The following CLN8 variants were observed in gnomAD, a reference collection of about 807,000 sequenced individuals.
CLN8 encodes the protein protein CLN8.
CLN8 carries 14 observed loss-of-function variants against 15.7 expected under a neutral mutation model. That is an observed-to-expected ratio of 0.89 (90% confidence interval 0.59 to 1.39). CLN8 has a LOEUF of 1.39. Ranked by LOEUF, CLN8 falls within the 40% of genes most tolerant of loss-of-function variation. The pLI is 0.00. For missense variants in CLN8, 415 were observed against 364.0 expected, an observed-to-expected ratio of 1.14 and a Z score of -1.14; for synonymous variants, 188 against 151.0, an observed-to-expected ratio of 1.25 and a Z score of -1.80.
intron 2 of CLN8, among the ~76,000 whole-genome samples, chr8:1,775,708 A>G (rs773291449): frequency 2.0e-5 from 3 of 152,210 alleles, no homozygotes; most frequent in African/African-American, 4.8e-5. Context: ...CTGAGTGCAC[A>G]GTGTACTGTA....
rs1046791380 is a variant in CLN8, at chr8:1,780,688, A to T, written c.*121A>T. 1.1e-6 allele frequency: 1 copy of T among 873,746 alleles called. No homozygotes were observed. The highest frequency in any genetic ancestry group is 1.7e-5 in the African/African-American group (1 of 59,224). The allele number at this position is 873,746 out of a possible 1,614,324, so 54.1% of individuals were successfully genotyped here. A position where few individuals can be genotyped will look rare whatever the true frequency, so the allele number is the denominator to read the frequency against. On this transcript the variant is annotated 3_prime_UTR_variant, in exon 3 of 3. Transcript: ENST00000331222. ...TGTTTTGTGTTTACTTCTAAGGGAA[A>T]TACTAACTTTCTTTCGCATTAGTAT...
In CLN8 at chr8:1,782,424, C is replaced by G. The variant is rs1014815335; in HGVS notation, c.*1857C>G. ...CCTCCCAAAGTTCTGGGATTACGGG[C>G]GTGAGCCACTTCACCCGGCCCGGAG... On this transcript the variant is annotated 3_prime_UTR_variant, in exon 3 of 3. Coordinates refer to ENST00000331222, the MANE Select transcript of CLN8 (RefSeq NM_018941.4). The G allele has an allele frequency of 6.6e-6, 1 of 152,244 alleles. No homozygotes were observed. The highest frequency in any genetic ancestry group is 2.4e-5 in the African/African-American group (1 of 41,458). 9.4% of individuals were successfully genotyped at this position (152,244 alleles called of 1,614,324 possible).
At chr8:1,754,527 T>A (rs941980089), upstream of CLN8, among the ~76,000 whole-genome samples, 3 of 152,258 alleles carry the variant, frequency 2.0e-5, no homozygotes, top group African/African-American at 7.2e-5. Context: ...GACGTTCTTA[T>A]AAGCATTCCC....
chr8:1,777,819 G>T (rs1419458741), intron 2 of CLN8, among the ~76,000 whole-genome samples: 6 of 152,114 alleles, frequency 3.9e-5, no homozygotes, highest in Non-Finnish European at 8.8e-5. Flanking sequence ...ACCTGCCTGG[G>T]GCTGTTTATA....
Position 1,771,293 on chromosome 8 carries a change from C to T in CLN8, c.239C>T (p.Ala80Val). Residue 80 changes from alanine (A) to valine (V), a missense_variant, in exon 2 of 3, where the codon GCA (alanine) becomes GTA (valine). Coordinates refer to ENST00000331222, the MANE Select transcript of CLN8 (RefSeq NM_018941.4). ...RAVFGVQSTA[A>V]GLWALLGDPV... is the part of the protein sequence containing the mutation. ...GTCTTTGGTGTTCAGAGCACAGCCG[C>T]AGGCCTGTGGGCTCTGCTGGGGGAC... The T allele has an allele frequency of 6.2e-7, 1 of 1,614,190 alleles. No individual in the cohort carries two copies. Among genetic ancestry groups the T allele is most frequent in the South Asian group, 1.1e-5 (1 of 91,086 alleles).
At chr8:1,773,112 G>C in intron 2 of CLN8, 1 of 393,958 alleles carries the variant, frequency 2.5e-6, no homozygotes, top group Non-Finnish European at 4.5e-6. Flanking sequence ...ACTCAAGGAG[G>C]AACTTGTGTT....
intron 2 of CLN8, among the ~76,000 whole-genome samples, chr8:1,778,569 A>G (rs1409896346): frequency 1.3e-5 from 2 of 152,144 alleles, no homozygotes; most frequent in Non-Finnish European, 2.9e-5. Context: ...GGTGGCCCCA[A>G]CCACAGGTGG....
At position 1,757,350 on chromosome 8, in the gene CLN8, G is replaced by C. The variant is rs575039908; in HGVS notation, c.-124+1268G>C. 2.6e-5 allele frequency among the ~76,000 whole-genome samples: 4 copies of C among 152,330 alleles called. No homozygotes were observed. The South Asian group carries it at 8.3e-4, about 32-fold the overall frequency. On this transcript the variant is annotated intron_variant, in intron 1 of 1. Transcript: ENST00000524258. ...GACACTGCCAAATGTCCCCACGGGA[G>C]GGGGCGTAGAGGACAGTGTGCTATG... is the stretch of plus-strand genomic sequence containing the variant.
rs978326101 is a variant in CLN8 at position 1,781,564 on chromosome 8, G to A, written c.*997G>A. 2 of 151,498 alleles carry A rather than the reference G, an allele frequency of 1.3e-5. No homozygotes were observed. The highest frequency in any genetic ancestry group is 4.9e-5 in the African/African-American group (2 of 41,212). The allele number at this position is 151,498 out of a possible 1,614,324, so 9.4% of individuals were successfully genotyped here. On this transcript the variant is annotated 3_prime_UTR_variant, in exon 3 of 3. Coordinates refer to ENST00000331222, the MANE Select transcript of CLN8 (RefSeq NM_018941.4). ...TTTTTTTTTTTAAATCATGGTACCT[G>A]TTTTAAAATGAGAAGTTATTATTCA...
upstream of CLN8, chr8:1,763,043 C>A (rs1397156214): frequency 2.0e-5 from 3 of 152,324 alleles, no homozygotes; most frequent in Non-Finnish European, 2.9e-5. Context: ...TGCGGAAACT[C>A]CTACAGACAA....
rs181971599 is a variant in CLN8, at chr8:1,771,444, A to G, written c.390A>G (p.Thr130=). 1.2e-6 allele frequency: 2 copies of G among 1,614,152 alleles called. No individual in the cohort carries two copies. Among genetic ancestry groups the G allele is most frequent in the East Asian group, 4.5e-5 (2 of 44,868 alleles). ...AVHLSNLIFR[T]FDLFLVIHHL... ...ACCTGTCCAACTTGATCTTCCGGAC[A>G]TTTGACTTGTTTCTGGTTATCCACC... The change falls in exon 2 of 3, where the codon ACA becomes ACG. Residue 130 remains threonine, a synonymous_variant. Transcript: ENST00000331222.
intron 2 of CLN8, among the ~76,000 whole-genome samples, chr8:1,775,406 A>G (rs1418995553): frequency 9.2e-5 from 14 of 152,236 alleles, no homozygotes; most frequent in Admixed American, 9.2e-4. Flanking sequence ...GCCGGGCTCC[A>G]GAGCTTTGCA....
Position 1,780,816 on chromosome 8 carries a change from G to T in CLN8, c.*249G>T. On this transcript the variant is annotated 3_prime_UTR_variant, in exon 3 of 3. Coordinates refer to ENST00000331222, the MANE Select transcript of CLN8 (RefSeq NM_018941.4). ...GCGCCGGACCGTGTCAAGCATCTAG[G>T]AGAGGAGTCCATGGTGTCCAGGCAT... The T allele has an allele frequency of 3.5e-6, 2 of 569,384 alleles. No homozygotes were observed. Among genetic ancestry groups the T allele is most frequent in the Admixed American group, 6.3e-5 (2 of 31,666 alleles). The allele number at this position is 569,384 out of a possible 1,614,324, so 35.3% of individuals were successfully genotyped here. A position where few individuals can be genotyped will look rare whatever the true frequency, so the allele number is the denominator to read the frequency against.
intron 2 of CLN8, among the ~76,000 whole-genome samples, chr8:1,777,890 T>G (rs1178527530): frequency 6.6e-6 from 1 of 152,258 alleles, no homozygotes; most frequent in Non-Finnish European, 1.5e-5. Flanking sequence ...AAGTATAGTA[T>G]AGTAAAATAG....
intron 1 of CLN8, among the ~76,000 whole-genome samples, chr8:1,757,684 G>A (rs1364481133): frequency 2.0e-5 from 3 of 152,096 alleles, no homozygotes; most frequent in Admixed American, 6.6e-5. Flanking sequence ...CACCCGCCTC[G>A]GCCTCCCAGA....
chr8:1,753,400 A>T (rs1454754431), upstream of CLN8, among the ~76,000 whole-genome samples: 3 of 151,834 alleles, frequency 2.0e-5, no homozygotes, highest in Non-Finnish European at 4.4e-5. Context: ...GTGAAAACCC[A>T]TCTCTACTAA....
upstream of CLN8, among the ~76,000 whole-genome samples, chr8:1,761,254 G>C (rs1048251158): frequency 2.4e-4 from 36 of 152,148 alleles, no homozygotes; most frequent in Middle Eastern, 3.4e-3. Flanking sequence ...AATCCACACA[G>C]AGCTGGCTGT....
upstream of CLN8, chr8:1,759,439 G>A (rs1800741684): frequency 6.6e-6 from 1 of 152,228 alleles, no homozygotes; most frequent in South Asian, 2.1e-4. Context: ...TCAGGCCAGG[G>A]GGGTTCTTGC....
rs180814168 is a variant in CLN8 at position 1,785,775 on chromosome 8, A to G, written c.*5208A>G. 3,373 of 177,832 alleles carry G rather than the reference A, an allele frequency of 0.019. 68 individuals carry two copies. The highest frequency in any genetic ancestry group is 0.028 in the Non-Finnish European group (2,269 of 81,210). The allele number at this position is 177,832 out of a possible 1,614,324, so 11.0% of individuals were successfully genotyped here. A position where few individuals can be genotyped will look rare whatever the true frequency, so the allele number is the denominator to read the frequency against. On this transcript the variant is annotated 3_prime_UTR_variant, in exon 3 of 3. Coordinates refer to ENST00000331222, the MANE Select transcript of CLN8 (RefSeq NM_018941.4). ...TGGCACAGGCGGCGTGGGGTTAGAC[A>G]GGTACTGGTCAGATGCACGGGCTCC...
Sources: allele counts gnomAD v4.1 joint callset (sites outside exome capture counted in the v4.1 genomes callset), GRCh38; gene constraint gnomAD v4.1.1; transcripts MANE v1.5; gene names NCBI Gene and HGNC (gene_info 2026-07-23, HGNC 2026-07-21).